The following CYP51A1 variants were observed in gnomAD, a reference collection of about 807,000 sequenced individuals.
CYP51A1 encodes cytochrome P450 family 51 subfamily A member 1.
A neutral mutation model predicts 53.5 loss-of-function variants in CYP51A1; 45 were observed. The ratio of observed to expected loss-of-function variants is 0.84; its 90% CI spans 0.66 to 1.08. CYP51A1 has a LOEUF of 1.08. CYP51A1 is among the 50% of genes least tolerant of loss of function. The pLI is 0.00. For synonymous variants in CYP51A1, 181 were observed against 217.7 expected (o/e 0.83, Z 1.48); for missense variants, 462 against 621.7 (o/e 0.74, Z 2.73).
At chr7:92,131,364 G>A (rs1364828018) in intron 2 of CYP51A1, among the ~76,000 whole-genome samples, 1 of 152,210 alleles carries the variant, frequency 6.6e-6, no homozygotes, top group African/African-American at 2.4e-5. Flanking sequence ...AGTAGCTATG[G>A]TGTCATGTGG....
chr7:92,121,531 G>A (rs557755849), intron 7 of CYP51A1, among the ~76,000 whole-genome samples: 161 of 152,200 alleles, frequency 1.1e-3, no homozygotes, highest in African/African-American at 3.7e-3. Flanking sequence ...CGTTTAGAGC[G>A]GCATTATTCA....
At chr7:92,131,366 G>A in intron 2 of CYP51A1, among the ~76,000 whole-genome samples, 1 of 152,220 alleles carries the variant, frequency 6.6e-6, no homozygotes, top group Non-Finnish European at 1.5e-5. Context: ...TAGCTATGGT[G>A]TCATGTGGGT....
rs1433365074 is a variant in CYP51A1 at position 92,123,814 on chromosome 7, G to C, written c.810C>G (p.Phe270Leu). Reference protein sequence around the residue: ...DRAHREIKDIFYKAIQKRRQS... With the variant: ...DRAHREIKDILYKAIQKRRQS... ...GTCTGCGTTTCTGGATTGCCTTATA[G>C]AAAATATCCTTGATTTCCCGATGAG... is the stretch of plus-strand genomic sequence containing the variant. Residue 270 changes from phenylalanine (F) to leucine (L), a missense_variant, in exon 6 of 10, where the codon TTC becomes TTG. Physicochemically the swap from Phe to Leu is conservative, Grantham distance 22 (BLOSUM62 0). Transcript: ENST00000003100. 6.2e-7 allele frequency: 1 copy of C among 1,608,958 alleles called. No homozygotes were observed. The highest frequency in any genetic ancestry group is 1.3e-5 in the African/African-American group (1 of 74,676).
chr7:92,133,044 GA>G (rs1262856211), intron 1 of CYP51A1, among the ~76,000 whole-genome samples: 1 of 151,844 alleles, frequency 6.6e-6, no homozygotes, highest in Non-Finnish European at 1.5e-5. Flanking sequence ...CCATGTGTAG[GA>G]AAAAAATAAA....
chr7:92,121,328 A>G (rs1819688802), intron 7 of CYP51A1, among the ~76,000 whole-genome samples: 1 of 152,146 alleles, frequency 6.6e-6, no homozygotes, highest in Non-Finnish European at 1.5e-5. Flanking sequence ...TAATAAAAAA[A>G]TCAAGTAACA....
intron 6 of CYP51A1, 60 bp downstream of exon 6, chr7:92,123,674 A>G: frequency 6.8e-7 from 1 of 1,474,972 alleles, no homozygotes; most frequent in Non-Finnish European, 9.1e-7. Context: ...ATACTATTTA[A>G]CTGTGTTTTA....
intron 1 of CYP51A1, among the ~76,000 whole-genome samples, chr7:92,133,143 G>T (rs1819959012): frequency 6.6e-6 from 1 of 152,172 alleles, no homozygotes; most frequent in Non-Finnish European, 1.5e-5. Context: ...ACATTGCATT[G>T]TCAGTAAAAG....
intron 5 of CYP51A1, among the ~76,000 whole-genome samples, chr7:92,124,108 T>C (rs1404605579): frequency 2.0e-5 from 3 of 152,212 alleles, no homozygotes; most frequent in East Asian, 3.8e-4. Context: ...TCTTAACACA[T>C]TGCCTGTGTT....
At chr7:92,116,740 A>C (rs1819586091) in intron 9 of CYP51A1, among the ~76,000 whole-genome samples, 4 of 152,218 alleles carry the variant, frequency 2.6e-5, no homozygotes. Flanking sequence ...TTAAAAGAGA[A>C]TCCACAAAGA....
rs1425067075 is a variant in CYP51A1 at position 92,117,526 on chromosome 7, G to T, written c.1183-314C>A. 5 of 183,094 alleles carry T rather than the reference G, an allele frequency of 2.7e-5. No homozygotes were observed. In the South Asian group the frequency reaches 9.5e-4, roughly 35 times the overall value. The allele number at this position is 183,094 out of a possible 1,614,324, so 11.3% of individuals were successfully genotyped here. A position where few individuals can be genotyped will look rare whatever the true frequency, so the allele number is the denominator to read the frequency against. ...ACAGTACACAAATCAAACCCATAAT[G>T]CCTTGGAGGTAGGGTTGGAATTTCA... On this transcript the variant is annotated intron_variant, in intron 8 of 9. Transcript: ENST00000003100.
At position 92,112,324 on chromosome 7, in the gene CYP51A1, A is replaced by ATAGT. The variant is rs1397866106; in HGVS notation, c.*1337_*1340dup. On this transcript the variant is annotated 3_prime_UTR_variant, in exon 10 of 10. Coordinates refer to ENST00000003100, the MANE Select transcript of CYP51A1 (RefSeq NM_000786.4). Reference sequence around the variant, plus strand: ...TGTGGTATTTTTTCAGCCATCTCATATAGTTAGGCCCCGAGTTACAATTTG... The same window carrying ATAGT: ...TGTGGTATTTTTTCAGCCATCTCATATAGTTAGTTAGGCCCCGAGTTACAATTTG... 5.3e-5 allele frequency: 8 copies of ATAGT among 152,240 alleles called. No individual in the cohort carries two copies. The highest frequency in any genetic ancestry group is 2.6e-4 in the Admixed American group (4 of 15,288). The allele number at this position is 152,240 out of a possible 1,614,324, so 9.4% of individuals were successfully genotyped here.
At position 92,133,961 on chromosome 7, in the gene CYP51A1, T is replaced by C. The variant is rs1305491022; in HGVS notation, c.192+212A>G. Among the ~76,000 whole-genome samples, 9 of 152,160 alleles carry C rather than the reference T, an allele frequency of 5.9e-5. No homozygotes were observed. In the East Asian group the frequency reaches 9.7e-4, roughly 16 times the overall value. On this transcript the variant is annotated intron_variant, in intron 1 of 9. Transcript: ENST00000003100. Reference sequence around the variant, plus strand: ...CCCAACACAAGGCAATGGCGGGTGCTACAGCCAGCGCCACCAGCAGCAGTG... The same window carrying C: ...CCCAACACAAGGCAATGGCGGGTGCCACAGCCAGCGCCACCAGCAGCAGTG...
At chr7:92,125,127 G>C (rs1819772744) in intron 5 of CYP51A1, among the ~76,000 whole-genome samples, 1 of 131,308 alleles carries the variant, frequency 7.6e-6, no homozygotes, top group Admixed American at 8.9e-5. Flanking sequence ...CTGGGCGAGA[G>C]AGCAAGACTC....
intron 2 of CYP51A1, among the ~76,000 whole-genome samples, chr7:92,130,282 T>C (rs571292594): frequency 1.9e-4 from 29 of 152,296 alleles, no homozygotes; most frequent in African/African-American, 7.0e-4. Context: ...TTCTCTCACC[T>C]ATAAAATGGT....
chr7:92,119,143 G>T (rs1819636086), intron 7 of CYP51A1, among the ~76,000 whole-genome samples: 2 of 152,160 alleles, frequency 1.3e-5, no homozygotes, highest in African/African-American at 2.4e-5. Flanking sequence ...AAAATATTTA[G>T]CAAAAATTGT....
chr7:92,134,444 C>A lies in CYP51A1; in HGVS notation c.-80G>T. The stretch of plus-strand genomic sequence containing the variant: ...GGAACGAGAGAAGCTGGCAGATGGT[C>A]GTCCACAGGGGGCCTTGCCCCAGGT... On this transcript the variant is annotated 5_prime_UTR_variant, in exon 1 of 10. Transcript: ENST00000003100. The A allele has an allele frequency of 3.5e-6, 5 of 1,418,882 alleles. No homozygotes were observed. The South Asian group carries it at 5.6e-5, about 16-fold the overall frequency. 87.9% of individuals were successfully genotyped at this position (1,418,882 alleles called of 1,614,324 possible). A position where few individuals can be genotyped will look rare whatever the true frequency, so the allele number is the denominator to read the frequency against.
rs1055251841 is a variant in CYP51A1 at position 92,134,228 on chromosome 7, A to T, written c.137T>A (p.Leu46Gln). Residue 46 changes from leucine (L) to glutamine (Q), a missense_variant, in exon 1 of 10, where the codon CTG becomes CAG. Transcript: ENST00000003100. ...LLIACAFTLS[L>Q]VYLIRLAAGH... ...GGCGGCCAGACGGATCAGGTAGACC[A>T]GGCTGAGGGTGAAGGCGCAGGCGAT... The T allele has an allele frequency of 6.2e-7, 1 of 1,613,414 alleles. No homozygotes were observed. The highest frequency in any genetic ancestry group is 8.5e-7 in the Non-Finnish European group (1 of 1,179,758).
intron 6 of CYP51A1, 109 bp from the exon 7 acceptor site, chr7:92,123,424 C>T: frequency 2.0e-6 from 2 of 984,254 alleles, no homozygotes; most frequent in Admixed American, 2.5e-5. Context: ...ATAGTGGTCT[C>T]TTATATTTGA....
chr7:92,113,452 G>GA lies in CYP51A1; in HGVS notation c.*212_*213insT. 2.0e-6 allele frequency: 1 copy of GA among 488,444 alleles called. No individual in the cohort carries two copies. The highest frequency in any genetic ancestry group is 2.8e-5 in the South Asian group (1 of 35,366). The allele number at this position is 488,444 out of a possible 1,614,324, so 30.3% of individuals were successfully genotyped here. On this transcript the variant is annotated 3_prime_UTR_variant, in exon 10 of 10. Transcript: ENST00000003100. ...ACCAAGGAACTTCCTGAAAGCACAT[G>GA]TATAAGTATCATAACTATTAGAAAA... is the stretch of plus-strand genomic sequence containing the variant.
Sources: gnomAD v4.1 joint callset for allele counts (sites outside exome capture counted in the v4.1 genomes callset) on GRCh38, gnomAD v4.1.1 for gene constraint, MANE v1.5 for transcripts, NCBI Gene and HGNC (gene_info 2026-07-23, HGNC 2026-07-21) for gene names.